Variants in MKLN1 observed in about 807,000 individuals in gnomAD.
MKLN1 encodes muskelin.
Under a neutral mutation model 99.0 loss-of-function variants are expected in MKLN1, and 18 were observed. The observed-to-expected ratio is 0.18, with a 90% CI of 0.13 to 0.27. MKLN1 has a LOEUF of 0.27. Ranked by LOEUF, MKLN1 falls within the 10% of genes least tolerant of loss-of-function variation. The pLI, the probability that MKLN1 is intolerant of heterozygous loss-of-function variation, is 1.00. For synonymous variants in MKLN1, 288 were observed against 293.2 expected, an observed-to-expected ratio of 0.98 and a Z score of 0.18; for missense variants, 621 against 875.9, an observed-to-expected ratio of 0.71 and a Z score of 3.67.
In MKLN1 at chr7:131,321,460, A is replaced by C. The variant is rs573017353; in HGVS notation, c.-178-53964A>C. Among the ~76,000 whole-genome samples, 3 of 152,214 alleles carry C rather than the reference A, an allele frequency of 2.0e-5. No homozygotes were observed. In the South Asian group the frequency reaches 6.2e-4, roughly 32 times the overall value. On this transcript the variant is annotated intron_variant, in intron 3 of 7. Transcript: ENST00000416992. ...GGGAAGGGAGAACATTAGGACAAAT[A>C]CCTAATGCACGTGGGGCTTAAAACC...
At chr7:131,376,209 A>T (rs1302507674) in intron 2 of MKLN1, among the ~76,000 whole-genome samples, 1 of 139,956 alleles carries the variant, frequency 7.1e-6, no homozygotes, top group Non-Finnish European at 1.6e-5. Context: ...TTTATTGCAA[A>T]AGACATGTCT....
At chr7:131,277,430 C>A (rs1319448911) in intron 3 of MKLN1, among the ~76,000 whole-genome samples, 1 of 152,000 alleles carries the variant, frequency 6.6e-6, no homozygotes, top group African/African-American at 2.4e-5. Context: ...ATTACCAGCG[C>A]CCACCACCAT....
rs148659317 is a variant in MKLN1, at chr7:131,318,407, G to C, written c.-178-57017G>C. On this transcript the variant is annotated intron_variant, in intron 3 of 7. Transcript: ENST00000416992. ...GATAAAGAAGTTCTTCGAAACCAAT[G>C]AGAACAAAAAGACAATGTACCAGAA... 9.9e-5 allele frequency among the ~76,000 whole-genome samples: 15 copies of C among 152,248 alleles called. No homozygotes were observed. The East Asian group carries it at 2.7e-3, about 27-fold the overall frequency.
intron 1 of MKLN1, among the ~76,000 whole-genome samples, chr7:131,345,999 C>T (rs191085124): frequency 9.2e-5 from 14 of 152,206 alleles, no homozygotes; most frequent in African/African-American, 1.4e-4. Context: ...TCTTAATTCA[C>T]GTGGCATTTT....
At chr7:131,121,718 G>C (rs1287685209) in intron 1 of MKLN1, among the ~76,000 whole-genome samples, 4 of 149,616 alleles carry the variant, frequency 2.7e-5, no homozygotes, top group Non-Finnish European at 5.9e-5. Flanking sequence ...ATGCAAGAAT[G>C]GACTATCACA....
At chr7:131,149,969 G>A (rs1263318607) in intron 2 of MKLN1, among the ~76,000 whole-genome samples, 1 of 152,204 alleles carries the variant, frequency 6.6e-6, no homozygotes, top group Non-Finnish European at 1.5e-5. Context: ...CTGCTTTGCT[G>A]CTGTGAAGAA....
intron 2 of MKLN1, among the ~76,000 whole-genome samples, chr7:131,376,082 T>A (rs1793637084): frequency 7.2e-6 from 1 of 138,754 alleles, no homozygotes; most frequent in South Asian, 2.3e-4. Flanking sequence ...TTAATTGTAG[T>A]ATAATTCATG....
intron 3 of MKLN1, among the ~76,000 whole-genome samples, chr7:131,322,555 C>G (rs1046996160): frequency 2.2e-5 from 3 of 133,826 alleles, no homozygotes; most frequent in African/African-American, 5.3e-5. Flanking sequence ...AACTGCCAAA[C>G]ACTTTTTTTT....
rs1397978563 is a variant in MKLN1 at position 131,487,621 on chromosome 7, G to A, written c.2101G>A (p.Asp701Asn). The part of the protein sequence containing the change: ...DFTALGFSDV[D>N]HTYAQRTQLF... ...TTCTTCACCAGGCTTTTCTGATGTG[G>A]ATCACACCTATGCTCAAAGAACTCA... Residue 701 changes from aspartate to asparagine, a missense_variant, in exon 18 of 18, where the codon GAT becomes AAT. Asp to Asn is a conservative substitution (Grantham distance 23). Coordinates refer to ENST00000352689, the MANE Select transcript of MKLN1 (RefSeq NM_013255.5). This position sits in a 1 kb window ranked among gnomAD's most constrained non-coding sequence, Gnocchi z 4.7. The A allele has an allele frequency of 1.9e-6, 3 of 1,612,406 alleles. No homozygotes were observed. The highest frequency in any genetic ancestry group is 2.5e-6 in the Non-Finnish European group (3 of 1,179,118).
chr7:131,295,565 G>A (rs1798278675), intron 3 of MKLN1, among the ~76,000 whole-genome samples: 1 of 151,478 alleles, frequency 6.6e-6, no homozygotes, highest in Non-Finnish European at 1.5e-5. Context: ...AAGGCATAAA[G>A]AATAGGAACA....
At position 131,297,413 on chromosome 7, in the gene MKLN1, C is replaced by G. The variant is rs998755820; in HGVS notation, c.-178-78011C>G. ...GTGTGTATATATATACACAAATACTCTGTGTGTGTGTGTGTACATACACAC... is the reference window on the plus strand; with the variant it reads ...GTGTGTATATATATACACAAATACTGTGTGTGTGTGTGTGTACATACACAC... On this transcript the variant is annotated intron_variant, in intron 3 of 7. Coordinates refer to the MKLN1 transcript ENST00000416992. 1.3e-3 allele frequency among the ~76,000 whole-genome samples: 198 copies of G among 149,324 alleles called. 1 individual carries two copies. Among genetic ancestry groups the G allele is most frequent in the African/African-American group, 4.4e-3 (181 of 40,738 alleles).
chr7:131,257,751 G>C (rs1442195116), intron 3 of MKLN1, among the ~76,000 whole-genome samples: 2 of 152,138 alleles, frequency 1.3e-5, no homozygotes, highest in Non-Finnish European at 2.9e-5. Context: ...AGAAGGGAAA[G>C]GAAGGGGAGG....
intron 2 of MKLN1, among the ~76,000 whole-genome samples, chr7:131,179,417 T>C (rs1202000111): frequency 6.6e-6 from 1 of 152,204 alleles, no homozygotes; most frequent in African/African-American, 2.4e-5. Flanking sequence ...AGAATTATGA[T>C]GAGTATTCAT....
At chr7:131,362,947 A>G (rs1800073884) in intron 1 of MKLN1, among the ~76,000 whole-genome samples, 1 of 152,060 alleles carries the variant, frequency 6.6e-6, no homozygotes, top group Admixed American at 6.6e-5. Context: ...CTTCTTAATA[A>G]AAGTAATGAT....
At chr7:131,269,373 CTTG>C (rs1249837394) in intron 3 of MKLN1, among the ~76,000 whole-genome samples, 1 of 152,146 alleles carries the variant, frequency 6.6e-6, no homozygotes, top group Non-Finnish European at 1.5e-5. Flanking sequence ...AGGGCGTCTT[CTTG>C]TTGTGTCCTC....
intron 3 of MKLN1, among the ~76,000 whole-genome samples, chr7:131,313,409 C>T (rs1798605486): frequency 6.6e-6 from 1 of 151,924 alleles, no homozygotes; most frequent in South Asian, 2.1e-4. Flanking sequence ...GTAAGAAAAA[C>T]AAAACAAAAC....
intron 3 of MKLN1, among the ~76,000 whole-genome samples, chr7:131,301,975 A>G (rs1205941710): frequency 6.6e-6 from 1 of 152,178 alleles, no homozygotes; most frequent in Non-Finnish European, 1.5e-5. Context: ...AGGGATTCTG[A>G]TATGACAACT....
chr7:131,289,852 C>T (rs183875971), intron 3 of MKLN1, among the ~76,000 whole-genome samples: 1 of 152,204 alleles, frequency 6.6e-6, no homozygotes, highest in Non-Finnish European at 1.5e-5. Context: ...ACATTCCAGC[C>T]ACATTGGCCT....
intron 3 of MKLN1, among the ~76,000 whole-genome samples, chr7:131,284,675 C>G (rs1342780532): frequency 1.3e-5 from 2 of 152,194 alleles, no homozygotes; most frequent in African/African-American, 2.4e-5. Flanking sequence ...CTAAGTGCTG[C>G]CTTCCCTCTC....
Sources: allele counts gnomAD v4.1 joint callset (sites outside exome capture counted in the v4.1 genomes callset), GRCh38; gene constraint gnomAD v4.1.1; non-coding constraint Gnocchi (gnomAD v3.1); transcripts MANE v1.5; gene names NCBI Gene and HGNC (gene_info 2026-07-23, HGNC 2026-07-21).